The following UBE3D variants were observed in gnomAD, a reference collection of about 807,000 sequenced individuals.
The protein encoded by UBE3D is ubiquitin protein ligase E3D.
UBE3D carries 48 observed loss-of-function variants against 49.6 expected under a neutral mutation model. That is an observed-to-expected ratio of 0.97 (90% CI 0.77 to 1.23). The LOEUF (loss-of-function observed/expected upper bound fraction) is 1.23, where lower values mean the gene tolerates loss of function less well. Ranked by LOEUF, UBE3D falls within the 50% of genes most tolerant of loss-of-function variation. The probability of loss-of-function intolerance (pLI) is 0.00; values close to 1 mark genes in which losing one functional copy is unlikely to be tolerated. For synonymous variants in UBE3D, 189 were observed against 174.2 expected (o/e 1.08, Z -0.67); for missense variants, 452 against 468.4 (o/e 0.96, Z 0.32).
intron 8 of UBE3D, among the ~76,000 whole-genome samples, chr6:83,006,956 C>T (rs1780024432): frequency 6.6e-6 from 1 of 151,492 alleles, no homozygotes; most frequent in Non-Finnish European, 1.5e-5. Flanking sequence ...TTCAATTTTC[C>T]TGCTGAAATA....
intron 8 of UBE3D, among the ~76,000 whole-genome samples, chr6:82,959,347 G>C (rs372860327): frequency 6.6e-6 from 1 of 150,682 alleles, no homozygotes; most frequent in Non-Finnish European, 1.5e-5. Context: ...TTGCTGATCC[G>C]CTCACAACAG....
chr6:82,881,859 T>C, the UBE3D span, among the ~76,000 whole-genome samples: 8 of 152,226 alleles, frequency 5.3e-5, no homozygotes, highest in Non-Finnish European at 1.2e-4. Context: ...TGGTGATAAC[T>C]AAAGTATCTT....
chr6:82,886,673 T>C, the UBE3D span, among the ~76,000 whole-genome samples: 1 of 152,230 alleles, frequency 6.6e-6, no homozygotes, highest in South Asian at 2.1e-4. Context: ...TCTCTTTGTT[T>C]CCTCTAGTGA....
In UBE3D at chr6:82,895,547, C is replaced by T. The variant is rs117137155; in HGVS notation, c.1150-2505G>A. Among the ~76,000 whole-genome samples, 135 of 152,276 alleles carry T rather than the reference C, an allele frequency of 8.9e-4. 1 individual carries two copies. In the East Asian group the frequency reaches 0.015, roughly 17 times the overall value. ...TATCAGCTAGCCCCATTCAGCCTTT[C>T]CTCACCCACAAAATGGGAATTCTAA... On this transcript the variant is annotated intron_variant, in intron 9 of 9. Transcript: ENST00000369747.
chr6:83,030,453 C>T lies in UBE3D; in HGVS notation c.668-6415G>A, dbSNP rs551282315. ...TTGCCTGCTACCCTGTAAGACCTGCCTTTCCTCCTCCTTCACCTTGTGCCA... is the reference window on the plus strand; with the variant it reads ...TTGCCTGCTACCCTGTAAGACCTGCTTTTCCTCCTCCTTCACCTTGTGCCA... On this transcript the variant is annotated intron_variant, in intron 5 of 9. Transcript: ENST00000369747. 1.2e-4 allele frequency among the ~76,000 whole-genome samples: 18 copies of T among 152,314 alleles called. No homozygotes were observed. The East Asian group carries it at 2.1e-3, about 18-fold the overall frequency.
intron 9 of UBE3D, among the ~76,000 whole-genome samples, chr6:82,906,197 C>T (rs1166608437): frequency 2.0e-5 from 3 of 152,076 alleles, no homozygotes; most frequent in Admixed American, 1.3e-4. Flanking sequence ...CCACATATTA[C>T]AATTAATAAG....
At chr6:82,901,558 TCCAA>T (rs1243729924) in intron 9 of UBE3D, among the ~76,000 whole-genome samples, 1 of 152,124 alleles carries the variant, frequency 6.6e-6, no homozygotes, top group Non-Finnish European at 1.5e-5. Flanking sequence ...GTTGATCTAG[TCCAA>T]CCATTTTATA....
intron 8 of UBE3D, among the ~76,000 whole-genome samples, chr6:83,007,793 A>G (rs1387564634): frequency 6.6e-6 from 1 of 152,116 alleles, no homozygotes; most frequent in African/African-American, 2.4e-5. Context: ...AAATATACAA[A>G]AAGTAGCTAG....
chr6:82,999,147 G>A (rs1051558121), intron 8 of UBE3D, among the ~76,000 whole-genome samples: 2 of 152,136 alleles, frequency 1.3e-5, no homozygotes, highest in Non-Finnish European at 2.9e-5. Flanking sequence ...AGATAAAACA[G>A]AAGCCATCAG....
chr6:82,960,911 A>T (rs1355025738), intron 8 of UBE3D, among the ~76,000 whole-genome samples: 2 of 152,126 alleles, frequency 1.3e-5, no homozygotes, highest in Non-Finnish European at 2.9e-5. Flanking sequence ...GCCACCCACA[A>T]TAGGGTTCAC....
intron 8 of UBE3D, among the ~76,000 whole-genome samples, chr6:82,968,500 A>G (rs143215545): frequency 3.3e-5 from 5 of 152,316 alleles, no homozygotes; most frequent in African/African-American, 1.2e-4. Flanking sequence ...GCTATGAACA[A>G]TATTACAATA....
intron 9 of UBE3D, among the ~76,000 whole-genome samples, chr6:82,945,646 C>T (rs1458713774): frequency 6.6e-6 from 1 of 152,166 alleles, no homozygotes; most frequent in African/African-American, 2.4e-5. Flanking sequence ...AAAAACATGA[C>T]CTCACCAAAC....
intron 7 of UBE3D, 58 bp downstream of exon 7, chr6:83,022,395 A>G: frequency 1.8e-6 from 2 of 1,118,252 alleles, no homozygotes; most frequent in Non-Finnish European, 2.5e-6. Context: ...AAAAAACTGA[A>G]GAATTCTGAG....
rs566188747 is a variant in UBE3D at position 83,010,141 on chromosome 6, T to C, written c.1010+8832A>G. 3.9e-5 allele frequency among the ~76,000 whole-genome samples: 6 copies of C among 152,244 alleles called. No homozygotes were observed. The South Asian group carries it at 1.2e-3, about 32-fold the overall frequency. ...GAACAGTATGAATACTAATTAAATC[T>C]AAATATTGACAGTTAAAAAAATAGT... On this transcript the variant is annotated intron_variant, in intron 8 of 9. Coordinates refer to ENST00000369747, the MANE Select transcript of UBE3D (RefSeq NM_198920.3).
At chr6:82,889,130 G>A (rs531781771), downstream of UBE3D, among the ~76,000 whole-genome samples, 2 of 152,282 alleles carry the variant, frequency 1.3e-5, no homozygotes, top group East Asian at 3.9e-4. Flanking sequence ...CTCCTCTGAT[G>A]GGTAACACTA....
At chr6:82,985,716 T>C (rs1044157245) in intron 8 of UBE3D, among the ~76,000 whole-genome samples, 1 of 152,180 alleles carries the variant, frequency 6.6e-6, no homozygotes, top group Non-Finnish European at 1.5e-5. Flanking sequence ...CCGTGTAACA[T>C]GTAAAGATTA....
intron 9 of UBE3D, among the ~76,000 whole-genome samples, chr6:82,941,114 G>A (rs1220558530): frequency 2.0e-5 from 3 of 152,036 alleles, no homozygotes; most frequent in Non-Finnish European, 4.4e-5. Context: ...GCTGAGGCAG[G>A]AGAATTGCTT....
At chr6:82,961,542 T>G (rs1257856604) in intron 8 of UBE3D, among the ~76,000 whole-genome samples, 3 of 152,196 alleles carry the variant, frequency 2.0e-5, no homozygotes, top group Non-Finnish European at 4.4e-5. Context: ...TCAGCCCGAA[T>G]GCAAAGTCTG....
At chr6:83,041,893 T>C (rs1279998738) in intron 4 of UBE3D, among the ~76,000 whole-genome samples, 3 of 152,132 alleles carry the variant, frequency 2.0e-5, no homozygotes, top group Non-Finnish European at 4.4e-5. Flanking sequence ...AAGGATGAAA[T>C]GCCATCCTTA....
Sources: allele counts gnomAD v4.1 joint callset (sites outside exome capture counted in the v4.1 genomes callset), GRCh38; gene constraint gnomAD v4.1.1; transcripts MANE v1.5; gene names NCBI Gene and HGNC (gene_info 2026-07-23, HGNC 2026-07-21).